The following BTBD1 variants were observed in gnomAD, a reference collection of about 807,000 sequenced individuals.
The protein encoded by BTBD1 is BTB/POZ domain-containing protein 1.
Under a neutral mutation model 48.0 loss-of-function variants are expected in BTBD1, and 34 were observed. The observed-to-expected ratio is 0.71, with a 90% CI of 0.54 to 0.94. BTBD1 has a LOEUF of 0.94. Ranked by LOEUF, BTBD1 falls within the 40% of genes least tolerant of loss-of-function variation. The pLI is 0.00. For missense variants in BTBD1, 543 were observed against 625.6 expected (o/e 0.87, Z 1.41); for synonymous variants, 261 against 242.1 (o/e 1.08, Z -0.72).
intron 2 of BTBD1, among the ~76,000 whole-genome samples, chr15:83,050,723 A>G (rs1376787238): frequency 6.6e-6 from 1 of 152,180 alleles, no homozygotes; most frequent in Non-Finnish European, 1.5e-5. Flanking sequence ...AGGAGAGAAT[A>G]GGGTACTAGA....
intron 2 of BTBD1, among the ~76,000 whole-genome samples, chr15:83,053,442 C>G (rs2033029255): frequency 6.6e-6 from 1 of 152,132 alleles, no homozygotes; most frequent in Non-Finnish European, 1.5e-5. Flanking sequence ...CCTTGCTACC[C>G]AACATGTACT....
intron 3 of BTBD1, among the ~76,000 whole-genome samples, chr15:83,049,373 T>C (rs1766729393): frequency 6.6e-6 from 1 of 152,148 alleles, no homozygotes; most frequent in South Asian, 2.1e-4. Flanking sequence ...AGGCGTCCAT[T>C]TTTTTCTTAT....
chr15:83,044,742 TG>T, intron 3 of BTBD1: 1 of 1,459,502 alleles, frequency 6.9e-7, no homozygotes, highest in Non-Finnish European at 9.5e-7. Flanking sequence ...CAATGTCGCC[TG>T]TACTCGGATC....
At chr15:83,044,927 T>C (rs950970055) in intron 3 of BTBD1, among the ~76,000 whole-genome samples, 1 of 152,126 alleles carries the variant, frequency 6.6e-6, no homozygotes, top group Non-Finnish European at 1.5e-5. Context: ...TTGGATTAAT[T>C]AGGATCATCC....
intron 1 of BTBD1, among the ~76,000 whole-genome samples, chr15:83,064,262 G>C (rs986651757): frequency 2.6e-5 from 4 of 151,956 alleles, no homozygotes; most frequent in African/African-American, 9.7e-5. Context: ...TACACAGCCA[G>C]CCAAAATTAA....
At chr15:83,030,835 C>CT (rs2032502063) in intron 4 of BTBD1, 1 of 152,202 alleles carries the variant, frequency 6.6e-6, no homozygotes, top group Non-Finnish European at 1.5e-5. Flanking sequence ...AGACAACCCA[C>CT]AGAGTGGGAG....
At chr15:83,045,877 T>TA (rs199682029) in intron 3 of BTBD1, among the ~76,000 whole-genome samples, 160 of 147,476 alleles carry the variant, frequency 1.1e-3, no homozygotes, top group African/African-American at 2.8e-3. Flanking sequence ...ACTTTATTAC[T>TA]AAAAAAAAAA....
chr15:83,057,522 A>G (rs1434324696), intron 1 of BTBD1, among the ~76,000 whole-genome samples: 1 of 152,138 alleles, frequency 6.6e-6, no homozygotes, highest in Non-Finnish European at 1.5e-5. Flanking sequence ...TGCATTTTGG[A>G]AGATTTCCTT....
At chr15:83,030,911 A>AT (rs2032503476) in intron 4 of BTBD1, 1 of 152,012 alleles carries the variant, frequency 6.6e-6, no homozygotes. Flanking sequence ...CAAATCAGCA[A>AT]GAAAAAAAAA....
chr15:83,042,950 G>A (rs111584244), intron 3 of BTBD1, among the ~76,000 whole-genome samples: 415 of 152,202 alleles, frequency 2.7e-3, no homozygotes, highest in African/African-American at 9.1e-3. Flanking sequence ...GGCCAGCCTG[G>A]GCAATATAGT....
chr15:83,064,697 A>T (rs1203680954), intron 1 of BTBD1, among the ~76,000 whole-genome samples: 1 of 110,468 alleles, frequency 9.1e-6, no homozygotes, highest in African/African-American at 3.5e-5. Flanking sequence ...GTATATAATG[A>T]GGATGAGATC....
At chr15:83,037,653 C>T (rs1005745970) in intron 4 of BTBD1, among the ~76,000 whole-genome samples, 1 of 152,184 alleles carries the variant, frequency 6.6e-6, no homozygotes, top group Non-Finnish European at 1.5e-5. Context: ...ACTCTAACCA[C>T]TCCTATTCAA....
At chr15:83,057,735 G>C (rs890985991) in intron 1 of BTBD1, among the ~76,000 whole-genome samples, 1 of 152,248 alleles carries the variant, frequency 6.6e-6, no homozygotes, top group Non-Finnish European at 1.5e-5. Context: ...AGGATCCGCT[G>C]TTGTGTTTCT....
At chr15:83,040,071 C>T (rs144617277) in intron 4 of BTBD1, among the ~76,000 whole-genome samples, 2 of 151,838 alleles carry the variant, frequency 1.3e-5, no homozygotes, top group Non-Finnish European at 2.9e-5. Context: ...CAAAATCATG[C>T]CTTTCGCAGC....
intron 5 of BTBD1, chr15:83,022,701 C>G (rs185501615): frequency 2.7e-5 from 4 of 147,218 alleles, no homozygotes; most frequent in African/African-American, 1.0e-4. Context: ...CAGTGGCTCA[C>G]GCCTGTAATC....
chr15:83,040,167 G>T (rs369458701), intron 4 of BTBD1, among the ~76,000 whole-genome samples: 4 of 152,218 alleles, frequency 2.6e-5, no homozygotes, highest in African/African-American at 4.8e-5. Context: ...ACTTGTGGAA[G>T]CTAAACATTG....
intron 5 of BTBD1, chr15:83,028,672 G>C (rs1169034166): frequency 6.6e-6 from 1 of 152,044 alleles, no homozygotes; most frequent in Non-Finnish European, 1.5e-5. Flanking sequence ...TTCCTTCCAT[G>C]GTAATTGGTC....
At chr15:83,027,730 A>G (rs2032436596) in intron 5 of BTBD1, among the ~76,000 whole-genome samples, 1 of 152,256 alleles carries the variant, frequency 6.6e-6, no homozygotes, top group East Asian at 1.9e-4. Context: ...AATAGACACT[A>G]TGAGTAGGAC....
At chr15:83,042,335 C>G (rs1334493652) in intron 3 of BTBD1, among the ~76,000 whole-genome samples, 2 of 111,192 alleles carry the variant, frequency 1.8e-5, no homozygotes, top group Non-Finnish European at 3.8e-5. Flanking sequence ...GTGCCAGGTA[C>G]TATTAGGCAA....
Sources: allele counts gnomAD v4.1 joint callset (sites outside exome capture counted in the v4.1 genomes callset), GRCh38; gene constraint gnomAD v4.1.1; transcripts MANE v1.5; gene names NCBI Gene and HGNC (gene_info 2026-07-23, HGNC 2026-07-21).